Variants in SLAMF6 observed in about 807,000 individuals in gnomAD.
The protein encoded by SLAMF6 is SLAM family member 6.
Under a neutral mutation model 38.3 loss-of-function variants are expected in SLAMF6, and 21 were observed. That is an observed-to-expected ratio of 0.55 (90% confidence interval 0.39 to 0.79). The LOEUF (loss-of-function observed/expected upper bound fraction) is 0.79. SLAMF6 is among the 30% of genes least tolerant of loss of function. The pLI, the probability that SLAMF6 is intolerant of heterozygous loss-of-function variation, is 0.00. For synonymous variants in SLAMF6, 152 were observed against 146.3 expected (o/e 1.04, Z -0.28); for missense variants, 341 against 385.3 (o/e 0.89, Z 0.96).
At chr1:160,521,024 C>T (rs915290872) in intron 1 of SLAMF6, among the ~76,000 whole-genome samples, 1 of 152,188 alleles carries the variant, frequency 6.6e-6, no homozygotes, top group African/African-American at 2.4e-5. Context: ...CCGTCCAAAG[C>T]AGGTCCCCGT....
At chr1:160,501,918 G>T (rs1033317243) in intron 1 of SLAMF6, among the ~76,000 whole-genome samples, 1 of 152,108 alleles carries the variant, frequency 6.6e-6, no homozygotes, top group East Asian at 1.9e-4. Context: ...GGTAGGAATA[G>T]TTCCCCACAG....
chr1:160,502,818 A>C (rs1653980716), intron 1 of SLAMF6, among the ~76,000 whole-genome samples: 1 of 152,192 alleles, frequency 6.6e-6, no homozygotes, highest in Admixed American at 6.5e-5. Flanking sequence ...AGGCAAATGC[A>C]GTATGAAAGA....
Position 160,488,164 on chromosome 1 carries a change from A to T in SLAMF6, c.879+924T>A, listed in dbSNP as rs542489509. Among the ~76,000 whole-genome samples, 183 of 148,920 alleles carry T rather than the reference A, an allele frequency of 1.2e-3. 1 individual carries two copies. Among genetic ancestry groups the T allele is most frequent in the Non-Finnish European group, 2.0e-3 (135 of 66,984 alleles). ...AAAAACCTCAAACTCTCCAAAGCAC[A>T]TTTTTTTTTTCTTTTTGCTAAAGAG... is the stretch of plus-strand genomic sequence containing the variant. On this transcript the variant is annotated intron_variant, in intron 6 of 7. Transcript: ENST00000368057.
intron 2 of SLAMF6, 61 bp from the exon 3 acceptor site, chr1:160,491,449 G>GA: frequency 6.4e-7 from 1 of 1,561,870 alleles, no homozygotes; most frequent in Non-Finnish European, 8.6e-7. Flanking sequence ...AACCCCCTGT[G>GA]AAAAATATCC....
intron 2 of SLAMF6, among the ~76,000 whole-genome samples, chr1:160,491,858 G>C (rs1653322075): frequency 6.6e-6 from 1 of 152,194 alleles, no homozygotes. Flanking sequence ...TGGGGTGGAA[G>C]ATGGAAGCAT....
In SLAMF6 at chr1:160,486,729, G is replaced by A. The variant is rs774399372; in HGVS notation, c.977C>T (p.Thr326Ile). The change falls in exon 8 of 8, where the codon ACT becomes ATT. Residue 326 changes from threonine to isoleucine, a missense_variant. Coordinates refer to ENST00000368057, the MANE Select transcript of SLAMF6 (RefSeq NM_001184714.2). ...KESKPTFSRATALDNVV is the reference protein window; with the variant it reads ...KESKPTFSRAIALDNVV ...AACTTACACGACATTGTCAAGGGCA[G>A]TTGCCCTGGAAAAAGTGGGTTTACT... 36 of 1,613,878 alleles carry A rather than the reference G, an allele frequency of 2.2e-5. No homozygotes were observed. Among genetic ancestry groups the A allele is most frequent in the Middle Eastern group, 3.3e-4 (2 of 6,058 alleles).
rs1285397413 is a variant in SLAMF6, at chr1:160,490,622, A to G, written c.710T>C (p.Val237Ala). ...ILFMVSGICI[V>A]FGFIILLLLV... is the part of the protein sequence containing the mutation. ...TAACAGCAGTATGATGAAACCGAAG[A>G]CTATGCATATCCCAGAAACCATAAA... The change falls in exon 4 of 8, where the codon GTC becomes GCC. Residue 237 changes from valine (V) to alanine (A), a missense_variant. Physicochemically the swap from Val to Ala is moderately conservative, Grantham distance 64 (BLOSUM62 0). Transcript: ENST00000368057. The G allele has an allele frequency of 1.2e-5, 19 of 1,613,852 alleles. No homozygotes were observed. Among genetic ancestry groups the G allele is most frequent in the Non-Finnish European group, 1.4e-5 (16 of 1,179,926 alleles).
chr1:160,515,833 C>T (rs12034811), intron 1 of SLAMF6, among the ~76,000 whole-genome samples: 1,907 of 152,154 alleles, frequency 0.013, 54 homozygotes, highest in East Asian at 0.11. Flanking sequence ...CTCAATAAAC[C>T]AGGTATTGAT....
At chr1:160,513,158 A>C (rs1378367086) in intron 1 of SLAMF6, among the ~76,000 whole-genome samples, 1 of 152,228 alleles carries the variant, frequency 6.6e-6, no homozygotes, top group East Asian at 1.9e-4. Flanking sequence ...ACCAGCTTAG[A>C]GAGGAACATA....
chr1:160,521,830 A>G (rs1654998466), intron 1 of SLAMF6, among the ~76,000 whole-genome samples: 1 of 152,018 alleles, frequency 6.6e-6, no homozygotes, highest in Admixed American at 6.6e-5. Context: ...CCTGTCTGAA[A>G]TTTCACTGCC....
At chr1:160,504,616 G>T (rs2102044583) in intron 1 of SLAMF6, among the ~76,000 whole-genome samples, 1 of 152,294 alleles carries the variant, frequency 6.6e-6, no homozygotes, top group African/African-American at 2.4e-5. Flanking sequence ...AAAAGCACTT[G>T]TCTTTGTCTC....
At chr1:160,513,564 A>G (rs1654598777) in intron 1 of SLAMF6, among the ~76,000 whole-genome samples, 2 of 152,332 alleles carry the variant, frequency 1.3e-5, no homozygotes, top group Admixed American at 6.5e-5. Flanking sequence ...TAATTATTAG[A>G]TTCTTCAAGG....
intron 1 of SLAMF6, among the ~76,000 whole-genome samples, chr1:160,499,164 A>AT (rs1653750910): frequency 1.3e-5 from 2 of 151,884 alleles, no homozygotes; most frequent in South Asian, 2.1e-4. Flanking sequence ...GGTATTTCCT[A>AT]TTTTTTTCTA....
At chr1:160,515,981 A>T (rs950529347) in intron 1 of SLAMF6, among the ~76,000 whole-genome samples, 5 of 152,220 alleles carry the variant, frequency 3.3e-5, no homozygotes, top group African/African-American at 4.8e-5. Context: ...CCTATTCAGC[A>T]TAGTATTAGA....
chr1:160,510,167 C>T (rs1324237319), intron 1 of SLAMF6, among the ~76,000 whole-genome samples: 1 of 152,016 alleles, frequency 6.6e-6, no homozygotes, highest in Non-Finnish European at 1.5e-5. Context: ...ACTAATTATT[C>T]AAAGAATAAT....
chr1:160,509,572 G>A (rs911506864), intron 1 of SLAMF6, among the ~76,000 whole-genome samples: 1 of 152,116 alleles, frequency 6.6e-6, no homozygotes, highest in African/African-American at 2.4e-5. Flanking sequence ...GTTGATGGGT[G>A]CAGCAAACCA....
chr1:160,487,902 C>A (rs893666620), intron 6 of SLAMF6, among the ~76,000 whole-genome samples: 4 of 152,020 alleles, frequency 2.6e-5, no homozygotes, highest in Admixed American at 1.3e-4. Context: ...CCAGCCTGGG[C>A]AACATGGTGA....
chr1:160,512,181 G>A (rs1654504752), intron 1 of SLAMF6, among the ~76,000 whole-genome samples: 1 of 152,212 alleles, frequency 6.6e-6, no homozygotes, highest in Non-Finnish European at 1.5e-5. Context: ...CAGTGCCAGA[G>A]GGACTGGTGG....
intron 1 of SLAMF6, among the ~76,000 whole-genome samples, chr1:160,522,001 G>A (rs1655005267): frequency 6.6e-6 from 1 of 152,114 alleles, no homozygotes. Flanking sequence ...ATGTATTCAT[G>A]CAAACTAGAA....
Sources: gnomAD v4.1 joint callset for allele counts (sites outside exome capture counted in the v4.1 genomes callset) on GRCh38, gnomAD v4.1.1 for gene constraint, MANE v1.5 for transcripts, NCBI Gene and HGNC (gene_info 2026-07-23, HGNC 2026-07-21) for gene names.